The following GOLM1 variants were observed in gnomAD, a reference collection of about 807,000 sequenced individuals.
GOLM1 encodes the protein epididymis luminal protein 46.
Under a neutral mutation model 50.5 loss-of-function variants are expected in GOLM1, and 31 were observed. The observed-to-expected ratio is 0.61, with a 90% CI of 0.46 to 0.83. The LOEUF is 0.83. Ranked by LOEUF, GOLM1 falls within the 40% of genes least tolerant of loss-of-function variation. GOLM1 has a pLI of 0.00. For synonymous variants in GOLM1, 178 were observed against 192.8 expected, an observed-to-expected ratio of 0.92 and a Z score of 0.64; for missense variants, 491 against 501.3, an observed-to-expected ratio of 0.98 and a Z score of 0.20.
At chr9:86,087,389 A>T (rs189540631) in intron 1 of GOLM1, among the ~76,000 whole-genome samples, 45 of 152,332 alleles carry the variant, frequency 3.0e-4, no homozygotes, top group African/African-American at 1.0e-3. Context: ...TGTTGTCTGC[A>T]AACAGGGATC....
At chr9:86,070,579 A>C (rs568043571) in intron 3 of GOLM1, among the ~76,000 whole-genome samples, 4 of 151,806 alleles carry the variant, frequency 2.6e-5, no homozygotes, top group Non-Finnish European at 5.9e-5. Context: ...TCAAAAAAAA[A>C]AAACAAAAAA....
chr9:86,057,925 C>T lies in GOLM1; in HGVS notation c.310-5334G>A, dbSNP rs149476631. On this transcript the variant is annotated intron_variant, in intron 3 of 9. Coordinates refer to ENST00000388712, the MANE Select transcript of GOLM1 (RefSeq NM_016548.4). ...TAAAATAACCAACCTGCTTTGAGGG[C>T]GTGAGTCCACCTTAACTTTCAGCCT... Among the ~76,000 whole-genome samples, 6 of 152,322 alleles carry T rather than the reference C, an allele frequency of 3.9e-5. No homozygotes were observed. In the East Asian group the frequency reaches 9.6e-4, roughly 24 times the overall value.
intron 3 of GOLM1, among the ~76,000 whole-genome samples, chr9:86,053,630 TACA>T (rs1833877671): frequency 4.2e-4 from 1 of 2,360 alleles, no homozygotes; most frequent in South Asian, 0.01. Flanking sequence ...CAAACATCAC[TACA>T]AAACACACAC....
At position 86,027,497 on chromosome 9, in the gene GOLM1, ATATTC is replaced by A; in HGVS notation, c.*315_*319del. 8.9e-7 allele frequency: 1 copy of A among 1,129,756 alleles called. No individual in the cohort carries two copies. Among genetic ancestry groups the A allele is most frequent in the Non-Finnish European group, 1.1e-6 (1 of 921,160 alleles). 70.0% of individuals were successfully genotyped at this position (1,129,756 alleles called of 1,614,324 possible). On this transcript the variant is annotated 3_prime_UTR_variant, in exon 10 of 10. Coordinates refer to ENST00000388712, the MANE Select transcript of GOLM1 (RefSeq NM_016548.4). ...GGTGGCTGTTAATTTACACAAAGTT[ATATTC>A]CAGAATCAGGAAGCCCCGCTGTCGC...
At position 86,026,250 on chromosome 9, in the gene GOLM1, C is replaced by A; in HGVS notation, c.*1567G>T. The A allele has an allele frequency of 1.0e-6, 1 of 984,582 alleles. No individual in the cohort carries two copies. The highest frequency in any genetic ancestry group is 1.2e-6 in the Non-Finnish European group (1 of 829,520). The allele number at this position is 984,582 out of a possible 1,614,324, so 61.0% of individuals were successfully genotyped here. ...AAAGCAAGAGAAAATTCCTATCAAC[C>A]CCAAGGAGGACTCAAAGTGAGGCTG... On this transcript the variant is annotated 3_prime_UTR_variant, in exon 10 of 10. Transcript: ENST00000388712.
At position 86,096,635 on chromosome 9, in the gene GOLM1, T is replaced by C. The variant is rs569638081; in HGVS notation, c.-22+2776A>G. ...GCCTTGCATGAGATACCTCATGAAG[T>C]AGAAACTATGCTGATGTAATCAGAT... On this transcript the variant is annotated intron_variant, in intron 1 of 9. Transcript: ENST00000388712. Among the ~76,000 whole-genome samples, 16 of 152,294 alleles carry C rather than the reference T, an allele frequency of 1.1e-4. No homozygotes were observed. In the East Asian group the frequency reaches 3.1e-3, roughly 29 times the overall value.
chr9:86,035,173 G>T (rs572905789), intron 8 of GOLM1, 195 bp downstream of exon 8: 94 of 985,256 alleles, frequency 9.5e-5, no homozygotes, highest in Non-Finnish European at 1.0e-4. Context: ...TCGAGTTCTA[G>T]AGCATATGCT....
chr9:86,034,487 G>A (rs1048602057), intron 8 of GOLM1, among the ~76,000 whole-genome samples: 1 of 152,120 alleles, frequency 6.6e-6, no homozygotes, highest in Admixed American at 6.5e-5. Context: ...TCTGACACTG[G>A]AGCGCCACAG....
At chr9:86,057,715 A>G (rs533129266) in intron 3 of GOLM1, among the ~76,000 whole-genome samples, 5 of 152,168 alleles carry the variant, frequency 3.3e-5, no homozygotes, top group Non-Finnish European at 7.4e-5. Context: ...CGTGGAGGGC[A>G]AGAAGGTGCT....
chr9:86,030,389 G>A (rs1832939645), intron 9 of GOLM1, among the ~76,000 whole-genome samples: 1 of 152,102 alleles, frequency 6.6e-6, no homozygotes, highest in East Asian at 1.9e-4. Flanking sequence ...TTGCCTAAAT[G>A]AAGACAGCTG....
intron 1 of GOLM1, among the ~76,000 whole-genome samples, chr9:86,094,811 C>G (rs562809463): frequency 1.3e-5 from 2 of 152,160 alleles, no homozygotes; most frequent in Non-Finnish European, 2.9e-5. Flanking sequence ...GGGCCAGGCA[C>G]GGTGGCTAAT....
At chr9:86,079,042 G>A in intron 2 of GOLM1, 150 bp downstream of exon 2, 1 of 575,006 alleles carries the variant, frequency 1.7e-6, no homozygotes, top group Non-Finnish European at 2.8e-6. Context: ...GGCTGTGGGG[G>A]TGTGCAGAGC....
intron 3 of GOLM1, among the ~76,000 whole-genome samples, chr9:86,070,005 T>A (rs1178342076): frequency 6.6e-6 from 1 of 152,022 alleles, no homozygotes; most frequent in Non-Finnish European, 1.5e-5. Flanking sequence ...TGCCTCAGCC[T>A]GCAGAGTAGC....
rs1832813010 is a variant in GOLM1, at chr9:86,027,225, CAG to C, written c.*590_*591del. The C allele has an allele frequency of 2.0e-6, 2 of 985,428 alleles. No individual in the cohort carries two copies. The highest frequency in any genetic ancestry group is 2.4e-6 in the Non-Finnish European group (2 of 829,920). 61.0% of individuals were successfully genotyped at this position (985,428 alleles called of 1,614,324 possible). On this transcript the variant is annotated 3_prime_UTR_variant, in exon 10 of 10. Coordinates refer to ENST00000388712, the MANE Select transcript of GOLM1 (RefSeq NM_016548.4). ...AGTAGCCTTTTAAAAAATTCTCACA[CAG>C]AACAGCTTTGTATTTAGACTTAAAG...
intron 1 of GOLM1, among the ~76,000 whole-genome samples, chr9:86,091,429 G>A (rs11141226): frequency 0.12 from 17,902 of 152,086 alleles, 1,577 homozygotes; most frequent in East Asian, 0.52. Flanking sequence ...GAATGCAGAA[G>A]TAAGGAAATA....
In GOLM1 at chr9:86,099,035, C is replaced by CTT. The variant is rs1273903352; in HGVS notation, c.-22+374_-22+375dup. Among the ~76,000 whole-genome samples, 4 of 152,208 alleles carry CTT rather than the reference C, an allele frequency of 2.6e-5. No individual in the cohort carries two copies. In the East Asian group the frequency reaches 7.7e-4, roughly 29 times the overall value. ...CGCTGCAGAACTGGAACTAGTGCGACTTAGGGGGTGCACGCTTTTGACTTT... is the reference window on the plus strand; with the variant it reads ...CGCTGCAGAACTGGAACTAGTGCGACTTTTAGGGGGTGCACGCTTTTGACTTT... On this transcript the variant is annotated intron_variant, in intron 1 of 9. Coordinates refer to ENST00000388712, the MANE Select transcript of GOLM1 (RefSeq NM_016548.4).
At chr9:86,057,343 A>G (rs12347508) in intron 3 of GOLM1, among the ~76,000 whole-genome samples, 1 of 152,248 alleles carries the variant, frequency 6.6e-6, no homozygotes, top group Non-Finnish European at 1.5e-5. Context: ...GTAGTGACTA[A>G]TTTTAAAAAT....
At chr9:86,036,090 C>T (rs537420770) in intron 7 of GOLM1, among the ~76,000 whole-genome samples, 1 of 152,236 alleles carries the variant, frequency 6.6e-6, no homozygotes, top group African/African-American at 2.4e-5. Context: ...TCCCACAAGC[C>T]CACCAATGTC....
intron 6 of GOLM1, among the ~76,000 whole-genome samples, chr9:86,037,388 AGAT>A (rs993221004): frequency 1.3e-5 from 2 of 151,416 alleles, no homozygotes; most frequent in African/African-American, 4.9e-5. Context: ...CAGTGAGCCA[AGAT>A]CATGCCATTG....
Sources: allele counts gnomAD v4.1 joint callset (sites outside exome capture counted in the v4.1 genomes callset), GRCh38; gene constraint gnomAD v4.1.1; transcripts MANE v1.5; gene names NCBI Gene and HGNC (gene_info 2026-07-23, HGNC 2026-07-21).